Variants in ANO2 observed in about 807,000 individuals in gnomAD.
ANO2 encodes the protein anoctamin-2.
A neutral mutation model predicts 124.2 loss-of-function variants in ANO2; 101 were observed. That is an observed-to-expected ratio of 0.81 (90% CI 0.69 to 0.96). The LOEUF is 0.96. Ranked by LOEUF, ANO2 falls within the 40% of genes least tolerant of loss-of-function variation. ANO2 has a pLI of 0.00. For missense variants in ANO2, 1,293 were observed against 1,274.5 expected (o/e 1.01, Z -0.22); for synonymous variants, 486 against 482.5 (o/e 1.01, Z -0.09).
chr12:5,565,220 C>T (rs186916926), intron 24 of ANO2, among the ~76,000 whole-genome samples: 1 of 152,140 alleles, frequency 6.6e-6, no homozygotes, highest in Admixed American at 6.5e-5. Context: ...TGTTTGTCTG[C>T]CCCAGGCTGG....
At chr12:5,743,965 C>G (rs565842386) in intron 12 of ANO2, among the ~76,000 whole-genome samples, 192 bp downstream of exon 12, 1 of 152,242 alleles carries the variant, frequency 6.6e-6, no homozygotes, top group East Asian at 1.9e-4. Flanking sequence ...CAGATAAAGA[C>G]ATGAAGGATA....
At chr12:5,835,012 GAATACTAATTTGTTT>G (rs146143902) in intron 4 of ANO2, among the ~76,000 whole-genome samples, 43,495 of 152,040 alleles carry the variant, frequency 0.29, 7,868 homozygotes, top group South Asian at 0.47. Context: ...CAGTAGACAT[GAATACTAATTTGTTT>G]AGCCATTTCC....
At chr12:5,867,165 T>G (rs928324522) in intron 3 of ANO2, among the ~76,000 whole-genome samples, 4 of 152,250 alleles carry the variant, frequency 2.6e-5, no homozygotes, top group African/African-American at 4.8e-5. Context: ...AGTGTAGACT[T>G]TGAACATGTA....
intron 3 of ANO2, among the ~76,000 whole-genome samples, chr12:5,879,888 A>G (rs562029549): frequency 3.9e-5 from 6 of 152,342 alleles, no homozygotes; most frequent in African/African-American, 1.4e-4. Flanking sequence ...AAAGATTTTA[A>G]TGAGGAAATG....
At chr12:5,934,037 CCT>C (rs1471263663) in intron 1 of ANO2, among the ~76,000 whole-genome samples, 1 of 152,090 alleles carries the variant, frequency 6.6e-6, no homozygotes, top group African/African-American at 2.4e-5. Context: ...GATGGATTCC[CCT>C]GTGCTGAACT....
At chr12:5,619,340 G>C (rs1944993547) in intron 16 of ANO2, among the ~76,000 whole-genome samples, 1 of 152,188 alleles carries the variant, frequency 6.6e-6, no homozygotes, top group Non-Finnish European at 1.5e-5. Flanking sequence ...AATATAGGTA[G>C]ACACGTACAG....
chr12:5,641,115 A>G (rs1946361550), intron 15 of ANO2, among the ~76,000 whole-genome samples: 1 of 152,098 alleles, frequency 6.6e-6, no homozygotes, highest in Admixed American at 6.5e-5. Context: ...TGAGCAAACT[A>G]TCACAAGGGC....
At chr12:5,573,144 CAG>C (rs1447089363) in intron 23 of ANO2, among the ~76,000 whole-genome samples, 1 of 152,170 alleles carries the variant, frequency 6.6e-6, no homozygotes, top group East Asian at 1.9e-4. Flanking sequence ...GGGAGGTGGG[CAG>C]AGACTGGATT....
intron 14 of ANO2, among the ~76,000 whole-genome samples, chr12:5,701,086 A>AGGT (rs1172705628): frequency 1.6e-5 from 1 of 63,708 alleles, no homozygotes. Context: ...AGTCATTTTC[A>AGGT]ATTTTTTTTT....
At chr12:5,663,917 C>T (rs1947569070) in intron 14 of ANO2, among the ~76,000 whole-genome samples, 1 of 152,150 alleles carries the variant, frequency 6.6e-6, no homozygotes. Flanking sequence ...GGGGACTGGG[C>T]TATGACCTTT....
rs1565783452 is a variant in ANO2, at chr12:5,923,085, C to CACACACATGCACACAT, written c.23-282_23-281insATGTGTGCATGTGTGT. ...ATACACACACACATGCACACATACA[C>CACACACATGCACACAT]ACACACACGCACACACATACACACA... On this transcript the variant is annotated intron_variant, in intron 1 of 24. Coordinates refer to ENST00000682330, the MANE Select transcript of ANO2 (RefSeq NM_001364791.2). Among the ~76,000 whole-genome samples the CACACACATGCACACAT allele has an allele frequency of 2.2e-3, 40 of 17,840 alleles. 4 individuals are homozygous for CACACACATGCACACAT. The highest frequency in any genetic ancestry group is 2.7e-3 in the African/African-American group (39 of 14,424). 11.7% of individuals were successfully genotyped at this position (17,840 alleles called of 152,430 possible). A position where few individuals can be genotyped will look rare whatever the true frequency, so the allele number is the denominator to read the frequency against.
intron 3 of ANO2, among the ~76,000 whole-genome samples, chr12:5,902,128 A>G (rs1940259476): frequency 6.6e-6 from 1 of 152,234 alleles, no homozygotes; most frequent in African/African-American, 2.4e-5. Flanking sequence ...ACTACAGCAT[A>G]GTGAGAAAGC....
At chr12:5,884,393 C>T (rs777485558) in intron 3 of ANO2, among the ~76,000 whole-genome samples, 7 of 152,252 alleles carry the variant, frequency 4.6e-5, no homozygotes, top group Non-Finnish European at 8.8e-5. Context: ...TCTGTCCTTT[C>T]GTCCCCTTCC....
intron 3 of ANO2, among the ~76,000 whole-genome samples, chr12:5,902,127 T>C (rs1454878709): frequency 6.6e-6 from 1 of 152,186 alleles, no homozygotes; most frequent in Non-Finnish European, 1.5e-5. Context: ...CACTACAGCA[T>C]AGTGAGAAAG....
At chr12:5,695,833 T>G (rs1160563559) in intron 14 of ANO2, among the ~76,000 whole-genome samples, 6 of 152,150 alleles carry the variant, frequency 3.9e-5, no homozygotes, top group African/African-American at 1.4e-4. Flanking sequence ...AGAGCAAGAC[T>G]CCATCTCTAA....
intron 10 of ANO2, among the ~76,000 whole-genome samples, chr12:5,759,175 C>T (rs1221321755): frequency 1.4e-5 from 2 of 139,488 alleles, no homozygotes; most frequent in Non-Finnish European, 3.2e-5. Context: ...AACAACAAAA[C>T]ACAAATCAAC....
At position 5,922,645 on chromosome 12, in the gene ANO2, C is replaced by T; in HGVS notation, c.182G>A (p.Gly61Asp). The T allele has an allele frequency of 6.5e-7, 1 of 1,547,642 alleles. No homozygotes were observed. The change falls in exon 2 of 25, where the codon GGT (glycine) becomes GAT (aspartate). Residue 61 changes from glycine to aspartate, a missense_variant. Physicochemically the swap from Gly to Asp is moderately conservative, Grantham distance 94. Transcript: ENST00000682330. The stretch of plus-strand genomic sequence containing the variant: ...AGAGCTGCTGCGGGTGCTCTCTCCA[C>T]CGCAGGGCTGGCCAGGATCTCTGTT... ...GSNRDPGQPC[G>D]GESTRSSSVI...
In ANO2 at chr12:5,769,011, G is replaced by A. The variant is rs938918486; in HGVS notation, c.1056-18041C>T. ...CAAGAGGGCTGGGCTCGGGATGGCA[G>A]CGCTGTGGAAGCTGGGCTTAGCTTA... On this transcript the variant is annotated intron_variant, in intron 10 of 24. Coordinates refer to ENST00000682330, the MANE Select transcript of ANO2 (RefSeq NM_001364791.2). The surrounding 1 kb of genome is among the most constrained non-coding windows in gnomAD (Gnocchi z 4.0). Among the ~76,000 whole-genome samples, 8 of 152,206 alleles carry A rather than the reference G, an allele frequency of 5.3e-5. No homozygotes were observed. The highest frequency in any genetic ancestry group is 8.8e-5 in the Non-Finnish European group (6 of 68,036).
chr12:5,747,886 G>A (rs1951316729), intron 11 of ANO2, among the ~76,000 whole-genome samples: 1 of 152,250 alleles, frequency 6.6e-6, no homozygotes, highest in Non-Finnish European at 1.5e-5. Context: ...CAGGCAATGT[G>A]ACACATCCGC....
Sources: gnomAD v4.1 joint callset for allele counts (sites outside exome capture counted in the v4.1 genomes callset) on GRCh38, gnomAD v4.1.1 for gene constraint, Gnocchi (gnomAD v3.1) non-coding constraint, MANE v1.5 for transcripts, NCBI Gene and HGNC (gene_info 2026-07-23, HGNC 2026-07-21) for gene names.